The following GPHN variants were observed in gnomAD, a reference collection of about 807,000 sequenced individuals.
GPHN encodes the protein gephyrin.
GPHN carries 17 observed loss-of-function variants against 95.5 expected under a neutral mutation model. That is an observed-to-expected ratio of 0.18 (90% CI 0.12 to 0.27). The LOEUF is 0.27. GPHN is among the 10% of genes least tolerant of loss of function. The probability of loss-of-function intolerance (pLI) is 1.00; values close to 1 mark genes in which losing one functional copy is unlikely to be tolerated. For missense variants in GPHN, 660 were observed against 978.1 expected, an observed-to-expected ratio of 0.67 and a Z score of 4.34; for synonymous variants, 320 against 322.5, an observed-to-expected ratio of 0.99 and a Z score of 0.08.
intron 1 of GPHN, among the ~76,000 whole-genome samples, chr14:66,614,888 C>A (rs1329248635): frequency 6.6e-6 from 1 of 152,104 alleles, no homozygotes; most frequent in Non-Finnish European, 1.5e-5. Flanking sequence ...CCCAACAGGT[C>A]CTGGTGTTTG....
chr14:66,557,278 T>A (rs917200165), intron 1 of GPHN, among the ~76,000 whole-genome samples: 4 of 149,474 alleles, frequency 2.7e-5, no homozygotes, highest in East Asian at 4.1e-4. Flanking sequence ...GATAGATAGA[T>A]AGATAGAATG....
the GPHN span, among the ~76,000 whole-genome samples, chr14:67,687,808 G>GT: frequency 7.5e-6 from 1 of 133,928 alleles, no homozygotes; most frequent in Admixed American, 7.8e-5. Context: ...AGTTTTACTC[G>GT]TGACGCCCAG....
intron 2 of GPHN, among the ~76,000 whole-genome samples, chr14:66,698,984 G>A (rs771466242): frequency 1.3e-5 from 2 of 152,114 alleles, no homozygotes; most frequent in South Asian, 2.1e-4. Context: ...TTATTGACCC[G>A]TGGTGTAGAT....
At chr14:66,570,818 G>A (rs2060657856) in intron 1 of GPHN, among the ~76,000 whole-genome samples, 1 of 152,130 alleles carries the variant, frequency 6.6e-6, no homozygotes, top group East Asian at 1.9e-4. Flanking sequence ...TAACAGGTGT[G>A]AGGTGATATC....
chr14:66,653,253 A>G (rs2065137028), intron 1 of GPHN, among the ~76,000 whole-genome samples: 1 of 152,104 alleles, frequency 6.6e-6, no homozygotes, highest in Non-Finnish European at 1.5e-5. Flanking sequence ...GAAGTGGGAG[A>G]GGCACTTTCT....
chr14:67,160,639 A>G (rs1385833519), intron 19 of GPHN, among the ~76,000 whole-genome samples: 6 of 152,168 alleles, frequency 3.9e-5, no homozygotes, highest in Non-Finnish European at 7.3e-5. Flanking sequence ...TATGGCTGAG[A>G]GTTCCAGCCC....
intron 11 of GPHN, among the ~76,000 whole-genome samples, chr14:67,071,598 G>GGTGCACA (rs2076311687): frequency 6.6e-6 from 1 of 151,660 alleles, no homozygotes; most frequent in African/African-American, 2.4e-5. Flanking sequence ...AAACCTGCAC[G>GGTGCACA]TGGTGCACAT....
chr14:67,412,094 G>A, the GPHN span: 21 of 1,488,808 alleles, frequency 1.4e-5, no homozygotes, highest in Non-Finnish European at 1.8e-5. Flanking sequence ...CCCCAGGTGC[G>A]CCTTCCCCGC....
intron 2 of GPHN, among the ~76,000 whole-genome samples, chr14:66,699,579 A>G (rs2068373164): frequency 2.0e-5 from 3 of 152,186 alleles, no homozygotes; most frequent in Admixed American, 1.3e-4. Flanking sequence ...TTTCAGGTCA[A>G]TGTGGAAGAT....
the GPHN span, among the ~76,000 whole-genome samples, chr14:67,497,102 C>CAT: frequency 0.094 from 14,283 of 152,098 alleles, 705 homozygotes; most frequent in Middle Eastern, 0.13. Context: ...TTCTCTCTCT[C>CAT]TCTTTCAAGA....
At chr14:66,603,108 A>T in intron 1 of GPHN, among the ~76,000 whole-genome samples, 1 of 151,918 alleles carries the variant, frequency 6.6e-6, no homozygotes, top group Non-Finnish European at 1.5e-5. Flanking sequence ...ATGGGATCAT[A>T]TTTGGAGTCT....
chr14:66,926,567 T>C (rs1168798097), intron 8 of GPHN, among the ~76,000 whole-genome samples: 1 of 152,222 alleles, frequency 6.6e-6, no homozygotes, highest in Non-Finnish European at 1.5e-5. Flanking sequence ...TGTACTTATA[T>C]GGATTTGTTT....
intron 3 of GPHN, among the ~76,000 whole-genome samples, chr14:66,815,097 G>T (rs1203162471): frequency 6.6e-6 from 1 of 152,068 alleles, no homozygotes; most frequent in Non-Finnish European, 1.5e-5. Context: ...AATAAGACAG[G>T]CAGACAAGAA....
chr14:66,859,932 G>A (rs1164036226), intron 4 of GPHN, among the ~76,000 whole-genome samples: 1 of 151,932 alleles, frequency 6.6e-6, no homozygotes, highest in Non-Finnish European at 1.5e-5. Flanking sequence ...CACAGTTAGA[G>A]GAGACAAGAA....
intron 10 of GPHN, among the ~76,000 whole-genome samples, chr14:67,057,582 A>C (rs2075651843): frequency 6.6e-6 from 1 of 152,192 alleles, no homozygotes; most frequent in African/African-American, 2.4e-5. Flanking sequence ...TGTATCCTGG[A>C]ACAGTAAATA....
At chr14:66,961,616 G>C (rs1046619495) in intron 8 of GPHN, among the ~76,000 whole-genome samples, 7 of 151,232 alleles carry the variant, frequency 4.6e-5, no homozygotes, top group African/African-American at 1.5e-4. Flanking sequence ...TTTGAACGGG[G>C]ACTTCACGAG....
the GPHN span, among the ~76,000 whole-genome samples, chr14:67,428,752 T>A: frequency 6.6e-6 from 1 of 152,240 alleles, no homozygotes; most frequent in Non-Finnish European, 1.5e-5. Flanking sequence ...AACCTCAGGC[T>A]TGAGGGCCTG....
chr14:67,049,863 A>C (rs2075226974), intron 10 of GPHN, among the ~76,000 whole-genome samples: 1 of 152,152 alleles, frequency 6.6e-6, no homozygotes, highest in Admixed American at 6.5e-5. Flanking sequence ...ATTTGGGGTG[A>C]GTCTTGAGTG....
the GPHN span, among the ~76,000 whole-genome samples, chr14:67,399,300 GAGA>G: frequency 6.6e-6 from 1 of 151,188 alleles, no homozygotes; most frequent in Non-Finnish European, 1.5e-5. Context: ...CAGGAATAAA[GAGA>G]AGGGTAGTTT....
Sources: allele counts gnomAD v4.1 joint callset (sites outside exome capture counted in the v4.1 genomes callset), GRCh38; gene constraint gnomAD v4.1.1; transcripts MANE v1.5; gene names NCBI Gene and HGNC (gene_info 2026-07-23, HGNC 2026-07-21).